RASGRP1: variants seen among roughly 807,000 people sequenced by gnomAD.
RASGRP1 encodes the protein RAS guanyl releasing protein 1.
RASGRP1 carries 37 observed loss-of-function variants against 95.1 expected under a neutral mutation model. The ratio of observed to expected loss-of-function variants is 0.39; its 90% CI spans 0.30 to 0.51. The LOEUF (loss-of-function observed/expected upper bound fraction) is 0.51, where lower values mean the gene tolerates loss of function less well. RASGRP1 is among the 20% of genes least tolerant of loss of function. The pLI, the probability that RASGRP1 is intolerant of heterozygous loss-of-function variation, is 0.80. For missense variants in RASGRP1, 711 were observed against 965.4 expected (o/e 0.74, Z 3.49); for synonymous variants, 325 against 353.4 (o/e 0.92, Z 0.90).
At chr15:38,552,258 T>C (rs1754782748) in intron 2 of RASGRP1, among the ~76,000 whole-genome samples, 1 of 152,214 alleles carries the variant, frequency 6.6e-6, no homozygotes, top group South Asian at 2.1e-4. Context: ...AGAGGTTGTT[T>C]TATAAGATAC....
intron 2 of RASGRP1, among the ~76,000 whole-genome samples, chr15:38,530,079 C>G (rs1325818247): frequency 6.6e-6 from 1 of 152,150 alleles, no homozygotes; most frequent in South Asian, 2.1e-4. Context: ...AACCAACCAC[C>G]CCAAAACTCA....
intron 8 of RASGRP1, among the ~76,000 whole-genome samples, chr15:38,511,069 T>C (rs1257388084): frequency 6.6e-6 from 1 of 152,200 alleles, no homozygotes; most frequent in Non-Finnish European, 1.5e-5. Context: ...AAGAAAAATA[T>C]TCATTAATAA....
At chr15:38,546,237 G>T (rs1278819596) in intron 2 of RASGRP1, among the ~76,000 whole-genome samples, 2 of 150,906 alleles carry the variant, frequency 1.3e-5, no homozygotes, top group African/African-American at 2.5e-5. Flanking sequence ...ATTTATTTTT[G>T]AGATGGAGTC....
At chr15:38,554,467 G>A (rs1018822696) in intron 2 of RASGRP1, among the ~76,000 whole-genome samples, 1 of 152,180 alleles carries the variant, frequency 6.6e-6, no homozygotes, top group African/African-American at 2.4e-5. Flanking sequence ...CTGAGACACT[G>A]TCTAACTTAC....
intron 2 of RASGRP1, among the ~76,000 whole-genome samples, chr15:38,540,911 G>A (rs1892834068): frequency 6.6e-6 from 1 of 152,190 alleles, no homozygotes; most frequent in Admixed American, 6.5e-5. Context: ...TGAAGGAGCT[G>A]ATATTCTGAG....
At chr15:38,505,982 T>C in intron 9 of RASGRP1, 62 bp from the exon 10 acceptor site, 2 of 1,317,802 alleles carry the variant, frequency 1.5e-6, no homozygotes, top group Non-Finnish European at 2.1e-6. Flanking sequence ...CCACAGCTGA[T>C]GGTTCTTTCT....
intron 10 of RASGRP1, 146 bp from the exon 11 acceptor site, chr15:38,503,522 T>C (rs965879708): frequency 4.4e-6 from 3 of 687,184 alleles, no homozygotes; most frequent in African/African-American, 1.8e-5. Flanking sequence ...CCACAGGCAA[T>C]TGAAATCTCT....
chr15:38,508,517 A>G (rs922256331), intron 8 of RASGRP1, among the ~76,000 whole-genome samples: 1 of 152,146 alleles, frequency 6.6e-6, no homozygotes, highest in African/African-American at 2.4e-5. Context: ...TCAGTAGTCT[A>G]TTGTGTGTTA....
At chr15:38,497,230 G>C (rs1192766091) in intron 15 of RASGRP1, among the ~76,000 whole-genome samples, 2 of 152,102 alleles carry the variant, frequency 1.3e-5, no homozygotes, top group African/African-American at 4.8e-5. Context: ...GCCTAGTATA[G>C]CACTATGAAG....
In RASGRP1 at chr15:38,495,000, T is replaced by A. The variant is rs372230163; in HGVS notation, c.1874-233A>T. ...ACCCTGAGAAAGAGCATCTTCTGTTTGCACAAAGGTTGCTTAGAGGGTTTC... is the reference window on the plus strand; with the variant it reads ...ACCCTGAGAAAGAGCATCTTCTGTTAGCACAAAGGTTGCTTAGAGGGTTTC... On this transcript the variant is annotated intron_variant, in intron 15 of 16. Coordinates refer to ENST00000310803, the MANE Select transcript of RASGRP1 (RefSeq NM_005739.4). Among the ~76,000 whole-genome samples, 195 of 152,346 alleles carry A rather than the reference T, an allele frequency of 1.3e-3. No individual in the cohort carries two copies. The highest frequency in any genetic ancestry group is 4.5e-3 in the African/African-American group (186 of 41,576).
chr15:38,527,422 C>T (rs899938148), intron 2 of RASGRP1, among the ~76,000 whole-genome samples: 1 of 152,188 alleles, frequency 6.6e-6, no homozygotes, highest in Admixed American at 6.5e-5. Flanking sequence ...CACCAGCTCT[C>T]GTTGGATCTA....
At chr15:38,507,211 C>G (rs189003320) in intron 9 of RASGRP1, among the ~76,000 whole-genome samples, 23 of 152,334 alleles carry the variant, frequency 1.5e-4, no homozygotes, top group Admixed American at 7.2e-4. Flanking sequence ...GATCTCACCC[C>G]ATATGCAAAA....
chr15:38,518,753 C>A (rs1176990355), intron 4 of RASGRP1, among the ~76,000 whole-genome samples: 4 of 152,260 alleles, frequency 2.6e-5, no homozygotes, highest in South Asian at 2.1e-4. Flanking sequence ...CAAAATGAGA[C>A]AATCTATTCA....
chr15:38,508,069 T>C (rs1482093119), intron 8 of RASGRP1, 68 bp from the exon 9 acceptor site: 16 of 1,485,644 alleles, frequency 1.1e-5, no homozygotes, highest in Non-Finnish European at 1.4e-5. Flanking sequence ...ATGAGGACCT[T>C]GCATGTTTGC....
At chr15:38,537,574 C>T (rs897966743) in intron 2 of RASGRP1, among the ~76,000 whole-genome samples, 3 of 152,124 alleles carry the variant, frequency 2.0e-5, no homozygotes, top group African/African-American at 7.2e-5. Flanking sequence ...GGGGCCCTGT[C>T]CTAGCTTCCC....
chr15:38,531,011 A>G (rs1435941004), intron 2 of RASGRP1, among the ~76,000 whole-genome samples: 1 of 152,224 alleles, frequency 6.6e-6, no homozygotes, highest in East Asian at 1.9e-4. Flanking sequence ...TGATGGAAGC[A>G]TTGCCATCAC....
chr15:38,500,945 T>C (rs561859316), intron 13 of RASGRP1, among the ~76,000 whole-genome samples, 198 bp downstream of exon 13: 5 of 152,136 alleles, frequency 3.3e-5, no homozygotes, highest in Admixed American at 2.0e-4. Context: ...CTCATTGCAA[T>C]AGAAAAGAAA....
intron 2 of RASGRP1, among the ~76,000 whole-genome samples, chr15:38,548,350 C>T (rs2141179838): frequency 6.6e-6 from 1 of 152,224 alleles, no homozygotes; most frequent in East Asian, 1.9e-4. Context: ...ATCACTTGAG[C>T]CCAGGAGTTT....
In RASGRP1 at chr15:38,524,899, G is replaced by C. The variant is rs1443612090; in HGVS notation, c.326+1400C>G. Among the ~76,000 whole-genome samples the C allele has an allele frequency of 2.0e-5, 3 of 152,008 alleles. No individual in the cohort carries two copies. The East Asian group carries it at 5.8e-4, about 29-fold the overall frequency. On this transcript the variant is annotated intron_variant, in intron 3 of 16. Transcript: ENST00000310803. Reference sequence around the variant, plus strand: ...TACGAGGGACCATGGGAAAGGGAGGGGGGGTCTGCCCCAATATGTAGGCAG... The same window carrying C: ...TACGAGGGACCATGGGAAAGGGAGGCGGGGTCTGCCCCAATATGTAGGCAG...
Sources: allele counts gnomAD v4.1 joint callset (sites outside exome capture counted in the v4.1 genomes callset), GRCh38; gene constraint gnomAD v4.1.1; transcripts MANE v1.5; gene names NCBI Gene and HGNC (gene_info 2026-07-23, HGNC 2026-07-21).